The following LMBRD1 variants were observed in gnomAD, a reference collection of about 807,000 sequenced individuals.
LMBRD1 encodes LMBR1 domain containing 1.
Under a neutral mutation model 74.8 loss-of-function variants are expected in LMBRD1, and 64 were observed. The observed-to-expected ratio is 0.86, with a 90% CI of 0.70 to 1.05. The LOEUF (loss-of-function observed/expected upper bound fraction) is 1.05, where lower values mean the gene tolerates loss of function less well. Ranked by LOEUF, LMBRD1 falls within the 50% of genes least tolerant of loss-of-function variation. The pLI is 0.00. For missense variants in LMBRD1, 652 were observed against 645.9 expected (o/e 1.01, Z -0.10); for synonymous variants, 204 against 216.3 (o/e 0.94, Z 0.50).
intron 5 of LMBRD1, 89 bp downstream of exon 5, chr6:69,749,252 C>T: frequency 9.9e-7 from 1 of 1,012,606 alleles, no homozygotes; most frequent in Admixed American, 2.3e-5. Context: ...TTTTTTCTTT[C>T]CTAGATTTTT....
At chr6:69,769,357 A>G (rs1456840944) in intron 3 of LMBRD1, among the ~76,000 whole-genome samples, 1 of 151,998 alleles carries the variant, frequency 6.6e-6, no homozygotes, top group East Asian at 1.9e-4. Flanking sequence ...TTATTTTTAA[A>G]ATCATTTCTA....
intron 8 of LMBRD1, among the ~76,000 whole-genome samples, chr6:69,714,371 A>T (rs946652456): frequency 6.6e-6 from 1 of 152,056 alleles, no homozygotes; most frequent in South Asian, 2.1e-4. Context: ...TTCTTTGGCC[A>T]ACCTATCTGA....
chr6:69,683,018 A>T (rs1765694149), intron 14 of LMBRD1, among the ~76,000 whole-genome samples: 1 of 152,048 alleles, frequency 6.6e-6, no homozygotes, highest in Non-Finnish European at 1.5e-5. Flanking sequence ...GCTTTGGTGT[A>T]GATACTGGAG....
intron 3 of LMBRD1, among the ~76,000 whole-genome samples, chr6:69,776,123 A>G (rs1042782132): frequency 3.3e-5 from 5 of 152,232 alleles, no homozygotes; most frequent in Non-Finnish European, 7.3e-5. Flanking sequence ...CACTGAACAA[A>G]TATTTTCCAA....
Position 69,675,941 on chromosome 6 carries a change from GTAGTCTTA to G in LMBRD1, c.*209_*216del, listed in dbSNP as rs1765534458. The G allele has an allele frequency of 1.9e-6, 1 of 525,640 alleles. No individual in the cohort carries two copies. Among genetic ancestry groups the G allele is most frequent in the African/African-American group, 1.9e-5 (1 of 52,410 alleles). 32.6% of individuals were successfully genotyped at this position (525,640 alleles called of 1,614,324 possible). A position where few individuals can be genotyped will look rare whatever the true frequency, so the allele number is the denominator to read the frequency against. ...GCACAAACATTCCCTCACAAAGCCA[GTAGTCTTA>G]TATTTACATAGCATGATTATGGTAA... is the stretch of plus-strand genomic sequence containing the variant. On this transcript the variant is annotated 3_prime_UTR_variant, in exon 16 of 16. Transcript: ENST00000649934.
At chr6:69,743,486 T>C (rs1452491249) in intron 5 of LMBRD1, among the ~76,000 whole-genome samples, 1 of 152,122 alleles carries the variant, frequency 6.6e-6, no homozygotes, top group African/African-American at 2.4e-5. Flanking sequence ...AATAGAGTAA[T>C]ACCAGAGGGA....
intron 9 of LMBRD1, among the ~76,000 whole-genome samples, chr6:69,710,048 C>A (rs978885194): frequency 2.0e-5 from 3 of 151,970 alleles, no homozygotes; most frequent in Middle Eastern, 3.2e-3. Flanking sequence ...AAGGATTTGG[C>A]AAAGCCAAAA....
rs1765263323 is a variant in LMBRD1 at position 69,756,197 on chromosome 6, C to A, written c.308-3841G>T. ...CCAACATAATGAGATCCCGTCTCTA[C>A]TAAAAATACAAAAAAACTAGCCAGG... On this transcript the variant is annotated intron_variant, in intron 3 of 15. Transcript: ENST00000649934. Among the ~76,000 whole-genome samples, 7 of 152,026 alleles carry A rather than the reference C, an allele frequency of 4.6e-5. No homozygotes were observed. In the South Asian group the frequency reaches 1.5e-3, roughly 32 times the overall value.
chr6:69,723,049 G>T (rs1476988971), intron 7 of LMBRD1, among the ~76,000 whole-genome samples: 1 of 152,104 alleles, frequency 6.6e-6, no homozygotes, highest in East Asian at 1.9e-4. Flanking sequence ...GGGGAACATA[G>T]ATTTCAAGGC....
At chr6:69,702,466 A>C in intron 9 of LMBRD1, among the ~76,000 whole-genome samples, 1 of 152,030 alleles carries the variant, frequency 6.6e-6, no homozygotes, top group East Asian at 1.9e-4. Flanking sequence ...TTCCTGAAAC[A>C]GAGTACTAAC....
At chr6:69,726,615 T>A (rs558002481) in intron 7 of LMBRD1, among the ~76,000 whole-genome samples, 6 of 152,194 alleles carry the variant, frequency 3.9e-5, no homozygotes, top group African/African-American at 1.2e-4. Flanking sequence ...CTAAGTGAAA[T>A]AAACTAGGCA....
At chr6:69,774,721 C>T (rs1474324469) in intron 3 of LMBRD1, among the ~76,000 whole-genome samples, 3 of 152,024 alleles carry the variant, frequency 2.0e-5, no homozygotes, top group Non-Finnish European at 4.4e-5. Context: ...GAAGTCACTG[C>T]TAAGCCTGCA....
intron 3 of LMBRD1, among the ~76,000 whole-genome samples, chr6:69,774,156 T>G (rs933671007): frequency 7.4e-4 from 112 of 152,210 alleles, no homozygotes; most frequent in African/African-American, 2.6e-3. Flanking sequence ...CATGCTGTTC[T>G]CATGACAGTG....
chr6:69,700,749 TG>T lies in LMBRD1; in HGVS notation c.1188+15del. 7.0e-7 allele frequency: 1 copy of T among 1,428,306 alleles called. No individual in the cohort carries two copies. Among genetic ancestry groups the T allele is most frequent in the Non-Finnish European group, 9.4e-7 (1 of 1,059,120 alleles). 88.5% of individuals were successfully genotyped at this position (1,428,306 alleles called of 1,614,324 possible). A position where few individuals can be genotyped will look rare whatever the true frequency, so the allele number is the denominator to read the frequency against. ...CAAAATGATGAGAAAAAAATAATAC[TG>T]TAATATATACTTACTCTAATCCAAA... is the stretch of plus-strand genomic sequence containing the variant. On this transcript the variant is annotated intron_variant, in intron 12 of 15. Coordinates refer to ENST00000649934, the MANE Select transcript of LMBRD1 (RefSeq NM_018368.4).
chr6:69,793,725 T>C (rs897286394), intron 1 of LMBRD1, among the ~76,000 whole-genome samples: 108 of 147,610 alleles, frequency 7.3e-4, no homozygotes, highest in African/African-American at 2.6e-3. Context: ...AATCTTTTTT[T>C]TTTTTTTTTT....
Position 69,796,821 on chromosome 6 carries a change from A to G in LMBRD1, c.61T>C (p.Leu21=), listed in dbSNP as rs1766244725. 1 of 1,613,562 alleles carries G rather than the reference A, an allele frequency of 6.2e-7. No individual in the cohort carries two copies. Residue 21 remains leucine (L), a synonymous_variant, in exon 1 of 16, where the codon TTA becomes CTA. Transcript: ENST00000649934. ...CCAAGCGCCTCCCCTACCAGTAGTA[A>G]GAGGCCGAATATGCACCAGCCGATC... ...LVIGWCIFGL[L]LLAILAFCWI...
At chr6:69,730,198 C>A (rs1766825540) in intron 7 of LMBRD1, among the ~76,000 whole-genome samples, 1 of 152,060 alleles carries the variant, frequency 6.6e-6, no homozygotes, top group South Asian at 2.1e-4. Context: ...ATACAAACTA[C>A]ATTCCTAATA....
At chr6:69,720,420 G>A (rs6924743) in intron 7 of LMBRD1, among the ~76,000 whole-genome samples, 14,805 of 152,118 alleles carry the variant, frequency 0.097, 1,916 homozygotes, top group African/African-American at 0.3. Flanking sequence ...AAAAAAGGAC[G>A]GGGTGGAAGA....
At chr6:69,686,322 C>T (rs1365098971) in intron 14 of LMBRD1, among the ~76,000 whole-genome samples, 1 of 149,216 alleles carries the variant, frequency 6.7e-6, no homozygotes, top group African/African-American at 2.4e-5. Flanking sequence ...AGGTAACACC[C>T]TAACCTACAT....
Sources: allele counts gnomAD v4.1 joint callset (sites outside exome capture counted in the v4.1 genomes callset), GRCh38; gene constraint gnomAD v4.1.1; transcripts MANE v1.5; gene names NCBI Gene and HGNC (gene_info 2026-07-23, HGNC 2026-07-21).